LCP2: variants seen among roughly 807,000 people sequenced by gnomAD.
The protein encoded by LCP2 is lymphocyte cytosolic protein 2.
In LCP2, 29 loss-of-function variants were observed where a neutral mutation model predicts 74.5. The ratio of observed to expected loss-of-function variants is 0.39; its 90% confidence interval spans 0.29 to 0.53. The LOEUF is 0.53. Among genes scored for constraint, LCP2 ranks in the 20% least tolerant of loss-of-function variants. The pLI is 0.72. For synonymous variants in LCP2, 228 were observed against 229.5 expected, an observed-to-expected ratio of 0.99 and a Z score of 0.06; for missense variants, 604 against 634.6, an observed-to-expected ratio of 0.95 and a Z score of 0.52.
rs566067231 is a variant in LCP2, at chr5:170,246,563, C to G, written c.*2134G>C. On this transcript the variant is annotated 3_prime_UTR_variant, in exon 21 of 21. Coordinates refer to ENST00000046794, the MANE Select transcript of LCP2 (RefSeq NM_005565.5). ...TTACTGTGTTTTTGTGTGTTGGCCTCGTTGTCTTCTATTGTAGACTGGTTC... is the reference window on the plus strand; with the variant it reads ...TTACTGTGTTTTTGTGTGTTGGCCTGGTTGTCTTCTATTGTAGACTGGTTC... 6.4e-6 allele frequency: 1 copy of G among 155,944 alleles called. No individual in the cohort carries two copies. Among genetic ancestry groups the G allele is most frequent in the East Asian group, 1.9e-4 (1 of 5,350 alleles). The allele number at this position is 155,944 out of a possible 1,614,324, so 9.7% of individuals were successfully genotyped here. A position where few individuals can be genotyped will look rare whatever the true frequency, so the allele number is the denominator to read the frequency against.
intron 3 of LCP2, among the ~76,000 whole-genome samples, chr5:170,286,869 A>G (rs546494203): frequency 3.5e-4 from 53 of 152,338 alleles, no homozygotes; most frequent in African/African-American, 1.2e-3. Context: ...CCTTAGAGTA[A>G]GAGAAGGGTC....
intron 3 of LCP2, among the ~76,000 whole-genome samples, chr5:170,287,114 C>T (rs1246939872): frequency 2.0e-5 from 3 of 152,230 alleles, no homozygotes; most frequent in African/African-American, 7.2e-5. Flanking sequence ...TTGAATGGAA[C>T]ATATGATATC....
chr5:170,256,330 G>A lies in LCP2; in HGVS notation c.1150+196C>T, dbSNP rs1297455054. On this transcript the variant is annotated intron_variant, in intron 17 of 20. Transcript: ENST00000046794. The surrounding 1 kb of genome is among the most constrained non-coding windows in gnomAD (Gnocchi z 4.5). ...TGTATATGTATACGTGTGTGTGTAT[G>A]TGTTGTGTTTTAGGTACTATCCTAT... is the stretch of plus-strand genomic sequence containing the variant. 1.3e-5 allele frequency among the ~76,000 whole-genome samples: 2 copies of A among 152,194 alleles called. No homozygotes were observed. The highest frequency in any genetic ancestry group is 2.1e-4 in the South Asian group (1 of 4,830).
At chr5:170,280,676 G>A (rs1239761875) in intron 3 of LCP2, among the ~76,000 whole-genome samples, 4 of 152,136 alleles carry the variant, frequency 2.6e-5, no homozygotes, top group Non-Finnish European at 5.9e-5. Flanking sequence ...TCATTTTCCT[G>A]GTAGACAAGT....
chr5:170,278,885 C>T lies in LCP2; in HGVS notation c.189-3025G>A, dbSNP rs1304086146. Among the ~76,000 whole-genome samples the T allele has an allele frequency of 2.0e-5, 3 of 152,020 alleles. No individual in the cohort carries two copies. In the East Asian group the frequency reaches 5.9e-4, roughly 30 times the overall value. On this transcript the variant is annotated intron_variant, in intron 3 of 20. Coordinates refer to ENST00000046794, the MANE Select transcript of LCP2 (RefSeq NM_005565.5). ...CAGCAAAGTGTGGGCTCCCAGGGTCCTCCTGCTTTAAGGGGCTACAGAAAG... is the reference window on the plus strand; with the variant it reads ...CAGCAAAGTGTGGGCTCCCAGGGTCTTCCTGCTTTAAGGGGCTACAGAAAG...
chr5:170,262,775 C>T, intron 12 of LCP2, 33 bp from the exon 13 acceptor site: 1 of 1,613,468 alleles, frequency 6.2e-7, no homozygotes. Flanking sequence ...GTGTAAGAAA[C>T]AAACTTTGCC....
chr5:170,277,971 C>T (rs1297534734), intron 3 of LCP2, among the ~76,000 whole-genome samples: 1 of 151,724 alleles, frequency 6.6e-6, no homozygotes, highest in Non-Finnish European at 1.5e-5. Flanking sequence ...TCCTAGTTGC[C>T]TCCTGACCAT....
intron 4 of LCP2, 87 bp downstream of exon 4, chr5:170,275,708 G>A (rs547748740): frequency 8.6e-7 from 1 of 1,165,290 alleles, no homozygotes; most frequent in Non-Finnish European, 1.3e-6. Context: ...AGATCAAAAA[G>A]TAGGGCAAAA....
intron 17 of LCP2, among the ~76,000 whole-genome samples, chr5:170,255,913 C>T (rs1315217686): frequency 6.6e-6 from 1 of 152,220 alleles, no homozygotes; most frequent in Non-Finnish European, 1.5e-5. Context: ...ATTAAAAACA[C>T]AGGTCCCTGA....
chr5:170,286,458 G>A (rs1056958592), intron 3 of LCP2, among the ~76,000 whole-genome samples: 1 of 152,148 alleles, frequency 6.6e-6, no homozygotes, highest in Non-Finnish European at 1.5e-5. Flanking sequence ...AAGAACTATG[G>A]TTTATCTCTA....
At chr5:170,252,018 C>A in intron 19 of LCP2, 1 of 197,738 alleles carries the variant, frequency 5.1e-6, no homozygotes, top group Non-Finnish European at 1.1e-5. Context: ...GGGCAAAAAG[C>A]AAAAAGTTGC....
At position 170,248,800 on chromosome 5, in the gene LCP2, T is replaced by C. The variant is rs753370973; in HGVS notation, c.1499A>G (p.Asp500Gly). 1.2e-6 allele frequency: 2 copies of C among 1,612,440 alleles called. No homozygotes were observed. The highest frequency in any genetic ancestry group is 1.7e-5 in the Admixed American group (1 of 59,804). Reference sequence around the variant, plus strand: ...CATTTTCCTGAAGTAGTCAATAATATCTGACACAGACAGAAAGTCCTGAAA... The same window carrying C: ...CATTTTCCTGAAGTAGTCAATAATACCTGACACAGACAGAAAGTCCTGAAA... ...RGKEDFLSVS[D>G]IIDYFRKMPL... The change falls in exon 21 of 21, where the codon GAT (aspartate) becomes GGT (glycine). Residue 500 changes from aspartate (D) to glycine (G), a missense_variant. By Grantham distance (94) the Asp-to-Gly change is moderately conservative (BLOSUM62 -1). Coordinates refer to ENST00000046794, the MANE Select transcript of LCP2 (RefSeq NM_005565.5).
intron 16 of LCP2, 23 bp downstream of exon 16, chr5:170,258,014 A>C: frequency 6.2e-7 from 1 of 1,612,430 alleles, no homozygotes; most frequent in Non-Finnish European, 8.5e-7. Context: ...ATTAAGCTAG[A>C]ATTTCATGAC....
intron 2 of LCP2, among the ~76,000 whole-genome samples, chr5:170,290,567 C>T (rs1264592695): frequency 6.6e-6 from 1 of 152,164 alleles, no homozygotes; most frequent in African/African-American, 2.4e-5. Context: ...TGCCTTTCTC[C>T]CCGTCTCCCT....
At chr5:170,269,370 G>T (rs143801199) in intron 7 of LCP2, among the ~76,000 whole-genome samples, 754 of 152,298 alleles carry the variant, frequency 5.0e-3, no homozygotes, top group Middle Eastern at 0.017. Context: ...TCTCTTGCCC[G>T]ACTCTAGTCC....
intron 3 of LCP2, among the ~76,000 whole-genome samples, chr5:170,277,745 A>G (rs1762030769): frequency 1.1e-5 from 1 of 88,472 alleles, no homozygotes; most frequent in South Asian, 3.1e-4. Flanking sequence ...CTTCGTCTCA[A>G]AAAAAAAAAA....
chr5:170,257,338 G>A (rs1358439675), intron 16 of LCP2, among the ~76,000 whole-genome samples: 2 of 152,176 alleles, frequency 1.3e-5, no homozygotes, highest in Non-Finnish European at 2.9e-5. Flanking sequence ...CAGGGCAGAG[G>A]AAACATTGTG....
At chr5:170,279,923 T>C (rs1307581544) in intron 3 of LCP2, among the ~76,000 whole-genome samples, 1 of 148,034 alleles carries the variant, frequency 6.8e-6, no homozygotes, top group East Asian at 2.0e-4. Context: ...GGAAAGAAAC[T>C]ATACAAGAAA....
intron 3 of LCP2, among the ~76,000 whole-genome samples, chr5:170,282,594 T>C (rs1032178084): frequency 4.1e-4 from 61 of 148,610 alleles, no homozygotes; most frequent in African/African-American, 1.6e-3. Flanking sequence ...TCCAGAAAGA[T>C]AGAATAGTTA....
Sources: allele counts gnomAD v4.1 joint callset (sites outside exome capture counted in the v4.1 genomes callset), GRCh38; gene constraint gnomAD v4.1.1; non-coding constraint Gnocchi (gnomAD v3.1); transcripts MANE v1.5; gene names NCBI Gene and HGNC (gene_info 2026-07-23, HGNC 2026-07-21).